The following XAB2 variants were observed in gnomAD, a reference collection of about 807,000 sequenced individuals.
XAB2 encodes the protein pre-mRNA-splicing factor SYF1.
A neutral mutation model predicts 113.4 loss-of-function variants in XAB2; 57 were observed. The observed-to-expected ratio is 0.50, with a 90% CI of 0.41 to 0.63. The LOEUF (loss-of-function observed/expected upper bound fraction) is 0.63. Among genes scored for constraint, XAB2 ranks in the 20% least tolerant of loss-of-function variants. The pLI is 0.00. For missense variants in XAB2, 1,037 were observed against 1,233.3 expected, an observed-to-expected ratio of 0.84 and a Z score of 2.38; for synonymous variants, 497 against 498.8, an observed-to-expected ratio of 1.00 and a Z score of 0.05.
At position 7,625,381 on chromosome 19, in the gene XAB2, C is replaced by G. The variant is rs2146187885; in HGVS notation, c.822+499G>C. The stretch of plus-strand genomic sequence containing the variant: ...CCCTGAACGCAAATGTGGCTGACTC[C>G]AAGGCTGACGTGCCTGCGGGCAGGA... On this transcript the variant is annotated intron_variant, in intron 6 of 18. Transcript: ENST00000358368. The surrounding 1 kb of genome is among the most constrained non-coding windows in gnomAD (Gnocchi z 5.2). Among the ~76,000 whole-genome samples the G allele has an allele frequency of 6.6e-6, 1 of 152,234 alleles. No individual in the cohort carries two copies. The highest frequency in any genetic ancestry group is 1.5e-5 in the Non-Finnish European group (1 of 68,014).
intron 4 of XAB2, among the ~76,000 whole-genome samples, chr19:7,626,676 A>G (rs1275543528): frequency 6.6e-6 from 1 of 151,728 alleles, no homozygotes; most frequent in Non-Finnish European, 1.5e-5. Flanking sequence ...CCACTAGTCC[A>G]GCCTCAGTCC....
rs142735881 is a variant in XAB2 at position 7,623,741 on chromosome 19, C to T, written c.1109G>A (p.Arg370His). 3.4e-4 allele frequency: 550 copies of T among 1,601,878 alleles called. No individual in the cohort carries two copies. The highest frequency in any genetic ancestry group is 4.3e-4 in the Non-Finnish European group (505 of 1,175,440). The change falls in exon 8 of 19, where the codon CGC (arginine) becomes CAC (histidine). Residue 370 changes from arginine to histidine, a missense_variant. Transcript: ENST00000358368. This position sits in a 1 kb window ranked among gnomAD's most constrained non-coding sequence, Gnocchi z 4.6. ...GCAGGCTTCATGTACCTCCCGGGGG[C>T]GGCCCTGGTGCAGGGCGACACGCTT... ...WHKRVALHQG[R>H]PREIINTYTE...
In XAB2 at chr19:7,619,965, T is replaced by C. The variant is rs753803302; in HGVS notation, c.2377A>G (p.Ser793Gly). ...CCTCACCTCACGAACAGGATCTTGCTCTGGGCGCGCAAGGGCTGGTCACGC... is the reference window on the plus strand; with the variant it reads ...CCTCACCTCACGAACAGGATCTTGCCCTGGGCGCGCAAGGGCTGGTCACGC... The part of the protein sequence containing the change: ...AERDQPLRAQ[S>G]KILFVRSDAS... The change falls in exon 17 of 19, where the codon AGC (serine) becomes GGC (glycine). Residue 793 changes from serine to glycine, a missense_variant. Transcript: ENST00000358368. 4.3e-6 allele frequency: 7 copies of C among 1,611,802 alleles called. No homozygotes were observed. The highest frequency in any genetic ancestry group is 5.9e-6 in the Non-Finnish European group (7 of 1,179,932).
rs149869496 is a variant in XAB2 at position 7,624,296 on chromosome 19, C to A, written c.967+5G>T. On this transcript the variant is annotated splice_donor_5th_base_variant and intron_variant, in intron 7 of 18. Transcript: ENST00000358368. This position sits in a 1 kb window ranked among gnomAD's most constrained non-coding sequence, Gnocchi z 4.2. ...CCCCACCAGCCGGGGCCCCCAGAGG[C>A]TCACCCTCCTCCTCGCGCCCCAGCT... 6.2e-7 allele frequency: 1 copy of A among 1,613,042 alleles called. No homozygotes were observed. Among genetic ancestry groups the A allele is most frequent in the East Asian group, 2.2e-5 (1 of 44,880 alleles).
chr19:7,622,553 C>T lies in XAB2; in HGVS notation c.1480G>A (p.Glu494Lys). The T allele has an allele frequency of 2.5e-6, 4 of 1,613,784 alleles. No individual in the cohort carries two copies. The highest frequency in any genetic ancestry group is 3.4e-6 in the Non-Finnish European group (4 of 1,180,044). ...ACCTGGAAGGTGCCGAGGCTCTCCT[C>T]CAGGTCGGCGAGCATGGACCAGACC... ...LKVWSMLADL[E>K]ESLGTFQSTK... The change falls in exon 11 of 19, where the codon GAG becomes AAG. Residue 494 changes from glutamate to lysine, a missense_variant. By Grantham distance (56) the Glu-to-Lys change is moderately conservative. Transcript: ENST00000358368.
Position 7,625,922 on chromosome 19 carries a change from A to G in XAB2, c.780T>C (p.Cys260=). Reference sequence around the variant, plus strand: ...TGCGGATGTAGTAGTCGGCGAGAGAACACCAGAGCTTGCCCAGCTGGTCGG... The same window carrying G: ...TGCGGATGTAGTAGTCGGCGAGAGAGCACCAGAGCTTGCCCAGCTGGTCGG... ...RFTDQLGKLW[C]SLADYYIRSG... Residue 260 remains cysteine (C), a synonymous_variant, in exon 6 of 19, where the codon TGT becomes TGC. Coordinates refer to ENST00000358368, the MANE Select transcript of XAB2 (RefSeq NM_020196.3). This position sits in a 1 kb window ranked among gnomAD's most constrained non-coding sequence, Gnocchi z 5.2. 1 of 1,613,168 alleles carries G rather than the reference A, an allele frequency of 6.2e-7. No individual in the cohort carries two copies. The highest frequency in any genetic ancestry group is 8.5e-7 in the Non-Finnish European group (1 of 1,179,558).
rs141007163 is a variant in XAB2 at position 7,628,595 on chromosome 19, C to T, written c.52-297G>A. ...GTCCGCATCACCACTCGCTTTCTGC[C>T]CCAGATGGTCAGACTCCTTAGATAC... On this transcript the variant is annotated intron_variant, in intron 1 of 18. Coordinates refer to ENST00000358368, the MANE Select transcript of XAB2 (RefSeq NM_020196.3). This position sits in a 1 kb window ranked among gnomAD's most constrained non-coding sequence, Gnocchi z 4.6. Among the ~76,000 whole-genome samples the T allele has an allele frequency of 1.8e-3, 274 of 152,318 alleles. 2 individuals are homozygous for T. The highest frequency in any genetic ancestry group is 6.3e-3 in the African/African-American group (262 of 41,574).
rs780029774 is a variant in XAB2 at position 7,627,391 on chromosome 19, C to T, written c.374G>A (p.Arg125His). Residue 125 changes from arginine (R) to histidine (H), a missense_variant, in exon 4 of 19, where the codon CGC (arginine) becomes CAC (histidine). Transcript: ENST00000358368. The surrounding 1 kb of genome is among the most constrained non-coding windows in gnomAD (Gnocchi z 4.5). ...GAAGGTGCGGCGGGTGTGTGTGACGCGCCCCTGGTCCATGAGGAACTGGCA... is the reference window on the plus strand; with the variant it reads ...GAAGGTGCGGCGGGTGTGTGTGACGTGCCCCTGGTCCATGAGGAACTGGCA... ...DYCQFLMDQG[R>H]VTHTRRTFDR... is the part of the protein sequence containing the mutation. The T allele has an allele frequency of 6.7e-5, 107 of 1,607,226 alleles. No individual in the cohort carries two copies. The highest frequency in any genetic ancestry group is 8.0e-5 in the Non-Finnish European group (94 of 1,177,838).
Position 7,620,084 on chromosome 19 carries a change from T to C in XAB2, c.2267-9A>G. 1 of 1,610,302 alleles carries C rather than the reference T, an allele frequency of 6.2e-7. No individual in the cohort carries two copies. Among genetic ancestry groups the C allele is most frequent in the Non-Finnish European group, 8.5e-7 (1 of 1,179,838 alleles). Reference sequence around the variant, plus strand: ...AGGGGCCAGGTCAGACACTAGGGGGTGGGAGCAGGGGGTCAGCGCCACGGG... The same window carrying C: ...AGGGGCCAGGTCAGACACTAGGGGGCGGGAGCAGGGGGTCAGCGCCACGGG... On this transcript the variant is annotated splice_polypyrimidine_tract_variant and intron_variant, in intron 16 of 18. Coordinates refer to ENST00000358368, the MANE Select transcript of XAB2 (RefSeq NM_020196.3).
chr19:7,627,396 C>T lies in XAB2; in HGVS notation c.369G>A (p.Gln123=), dbSNP rs11539098. The T allele has an allele frequency of 6.2e-7, 1 of 1,607,442 alleles. No homozygotes were observed. Among genetic ancestry groups the T allele is most frequent in the Non-Finnish European group, 8.5e-7 (1 of 1,177,876 alleles). Residue 123 remains glutamine, a synonymous_variant, in exon 4 of 19, where the codon CAG becomes CAA. Coordinates refer to ENST00000358368, the MANE Select transcript of XAB2 (RefSeq NM_020196.3). The surrounding 1 kb of genome is among the most constrained non-coding windows in gnomAD (Gnocchi z 4.5). ...WLDYCQFLMD[Q]GRVTHTRRTF... is the part of the protein sequence containing the mutation. ...TGCGGCGGGTGTGTGTGACGCGCCC[C>T]TGGTCCATGAGGAACTGGCAGTAAT...
chr19:7,621,275 A>G lies in XAB2; in HGVS notation c.1640T>C (p.Leu547Pro), dbSNP rs766905796. 1.2e-5 allele frequency: 19 copies of G among 1,612,874 alleles called. No individual in the cohort carries two copies. Among genetic ancestry groups the G allele is most frequent in the Admixed American group, 3.3e-5 (2 of 60,000 alleles). The change falls in exon 13 of 19, where the codon CTG (leucine) becomes CCG (proline). Residue 547 changes from leucine to proline, a missense_variant. Coordinates refer to ENST00000358368, the MANE Select transcript of XAB2 (RefSeq NM_020196.3). ...GTCGGACACGTTGGGCCACTTGAACAGCGAGATGCCGCGCTCGTACGCCTG... is the reference window on the plus strand; with the variant it reads ...GTCGGACACGTTGGGCCACTTGAACGGCGAGATGCCGCGCTCGTACGCCTG... ...SFKAYERGIS[L>P]FKWPNVSDIW... is the part of the protein sequence containing the mutation.
In XAB2 at chr19:7,627,888, C is replaced by T. The variant is rs768456955; in HGVS notation, c.201-37G>A. The T allele has an allele frequency of 1.3e-6, 2 of 1,598,074 alleles. No homozygotes were observed. Among genetic ancestry groups the T allele is most frequent in the Admixed American group, 3.4e-5 (2 of 59,566 alleles). ...GAGGGGACAGATGCTGATCGGTCAG[C>T]TTTATGGACACCCCCAGAACCATTT... On this transcript the variant is annotated intron_variant, in intron 2 of 18. Transcript: ENST00000358368. This position sits in a 1 kb window ranked among gnomAD's most constrained non-coding sequence, Gnocchi z 4.5.
Position 7,627,823 on chromosome 19 carries a change from C to A in XAB2, c.229G>T (p.Ala77Ser). The A allele has an allele frequency of 6.2e-7, 1 of 1,613,994 alleles. No homozygotes were observed. The highest frequency in any genetic ancestry group is 8.5e-7 in the Non-Finnish European group (1 of 1,179,968). ...SYKLWYRYLK[A>S]RRAQVKHRCV... ...CGATGCTTCACCTGTGCCCGACGCG[C>A]CTTCAGGTATCGGTACCAGAGTTTG... is the stretch of plus-strand genomic sequence containing the variant. The change falls in exon 3 of 19, where the codon GCG becomes TCG. Residue 77 changes from alanine to serine, a missense_variant. Transcript: ENST00000358368. The surrounding 1 kb of genome is among the most constrained non-coding windows in gnomAD (Gnocchi z 4.5).
In XAB2 at chr19:7,624,380, A is replaced by C; in HGVS notation, c.888T>G (p.Phe296Leu). Residue 296 changes from phenylalanine to leucine, a missense_variant, in exon 7 of 19, where the codon TTT becomes TTG. Transcript: ENST00000358368. The surrounding 1 kb of genome is among the most constrained non-coding windows in gnomAD (Gnocchi z 4.2). The part of the protein sequence containing the change: ...VMTVRDFTQV[F>L]DSYAQFEESM... The stretch of plus-strand genomic sequence containing the variant: ...TCTCCTCGAACTGGGCGTAGCTGTC[A>C]AACACCTGTGTGAAGTCCCGCACGG... 1 of 1,614,136 alleles carries C rather than the reference A, an allele frequency of 6.2e-7. No homozygotes were observed. Among genetic ancestry groups the C allele is most frequent in the Non-Finnish European group, 8.5e-7 (1 of 1,180,002 alleles).
In XAB2 at chr19:7,628,224, G is replaced by C. The variant is rs150056983; in HGVS notation, c.126C>G (p.Ile42Met). ...QFSVKCWLRY[I>M]EFKQGAPKPR... ...GCTTCGGGGCGCCCTGTTTGAACTC[G>C]ATGTAGCGAAGCCAGCATTTGACAG... The change falls in exon 2 of 19, where the codon ATC (isoleucine) becomes ATG (methionine). Residue 42 changes from isoleucine (I) to methionine (M), a missense_variant. Coordinates refer to ENST00000358368, the MANE Select transcript of XAB2 (RefSeq NM_020196.3). This position sits in a 1 kb window ranked among gnomAD's most constrained non-coding sequence, Gnocchi z 4.6. 9 of 1,614,000 alleles carry C rather than the reference G, an allele frequency of 5.6e-6. No homozygotes were observed. The Admixed American group carries it at 1.5e-4, about 27-fold the overall frequency.
At position 7,626,165 on chromosome 19, in the gene XAB2, C is replaced by T. The variant is rs149004243; in HGVS notation, c.628G>A (p.Val210Met). 1.7e-5 allele frequency: 28 copies of T among 1,613,730 alleles called. No individual in the cohort carries two copies. Among genetic ancestry groups the T allele is most frequent in the East Asian group, 2.2e-5 (1 of 44,882 alleles). The change falls in exon 5 of 19, where the codon GTG (valine) becomes ATG (methionine). Residue 210 changes from valine (V) to methionine (M), a missense_variant. Val to Met is a conservative substitution (Grantham distance 21, BLOSUM62 1). Coordinates refer to ENST00000358368, the MANE Select transcript of XAB2 (RefSeq NM_020196.3). ...LATVVNDERF[V>M]SKAGKSNYQL... ...TAGTTGGACTTGCCGGCCTTAGACA[C>T]GAAACGCTCGTCGTTCACCACGGTG...
intron 12 of XAB2, chr19:7,621,541 G>A (rs1335775322): frequency 1.9e-6 from 1 of 520,866 alleles, no homozygotes; most frequent in Non-Finnish European, 3.4e-6. Flanking sequence ...CCCATAGGAG[G>A]TGACATGATG....
At chr19:7,622,991 CACAA>C (rs2031067082) in intron 9 of XAB2, 98 bp from the exon 10 acceptor site, 3 of 1,554,322 alleles carry the variant, frequency 1.9e-6, no homozygotes, top group Non-Finnish European at 2.6e-6. Flanking sequence ...AACATACAGG[CACAA>C]ACACACAGGC....
At position 7,620,315 on chromosome 19, in the gene XAB2, G is replaced by A; in HGVS notation, c.2226C>T (p.Ala742=). ...TGCCCGAGACCTTGAGCATCTGCGA[G>A]GCCATGAAGTTGACCTGCGTGTTGT... is the stretch of plus-strand genomic sequence containing the variant. ...ATYNTQVNFM[A]SQMLKVSGSA... is the part of the protein sequence containing the mutation. The change falls in exon 16 of 19, where the codon GCC becomes GCT. Residue 742 remains alanine, a synonymous_variant. Coordinates refer to ENST00000358368, the MANE Select transcript of XAB2 (RefSeq NM_020196.3). 6.2e-7 allele frequency: 1 copy of A among 1,613,722 alleles called. No individual in the cohort carries two copies. The highest frequency in any genetic ancestry group is 1.1e-5 in the South Asian group (1 of 91,088).
Sources: allele counts gnomAD v4.1 joint callset (sites outside exome capture counted in the v4.1 genomes callset), GRCh38; gene constraint gnomAD v4.1.1; non-coding constraint Gnocchi (gnomAD v3.1); transcripts MANE v1.5; gene names NCBI Gene and HGNC (gene_info 2026-07-23, HGNC 2026-07-21).